FLG2: variants seen among roughly 807,000 people sequenced by gnomAD.
The protein encoded by FLG2 is filaggrin 2, also known as filaggrin-2.
Under a neutral mutation model 3.9 loss-of-function variants are expected in FLG2, and 7 were observed. The ratio of observed to expected loss-of-function variants is 1.79; its 90% CI spans 1.02 to 3.36. The LOEUF (loss-of-function observed/expected upper bound fraction) is 3.36. FLG2 is among the 30% of genes most tolerant of loss of function. The probability of loss-of-function intolerance (pLI) is 0.00; values close to 1 mark genes in which losing one functional copy is unlikely to be tolerated. For missense variants in FLG2, 2,700 were observed against 2,809.4 expected, an observed-to-expected ratio of 0.96 and a Z score of 0.88; for synonymous variants, 1,031 against 1,056.1, an observed-to-expected ratio of 0.98 and a Z score of 0.46.
Position 152,351,913 on chromosome 1 carries a change from T to A in FLG2, c.5873A>T (p.Tyr1958Phe). The change falls in exon 3 of 3, where the codon TAC becomes TTC. Residue 1958 changes from tyrosine (Y) to phenylalanine (F), a missense_variant. Tyr to Phe is a conservative substitution (Grantham distance 22). Coordinates refer to ENST00000388718, the MANE Select transcript of FLG2 (RefSeq NM_001014342.3). The stretch of plus-strand genomic sequence containing the variant: ...CCCTGAGGGCCCTTCACTGTCACTG[T>A]ACTCACTGTGGCCAGATCCCCTTCT... ...TGRRGSGHSE[Y>F]SDSEGPSGVS... 6.2e-7 allele frequency: 1 copy of A among 1,610,222 alleles called. No homozygotes were observed. The highest frequency in any genetic ancestry group is 1.4e-5 in the African/African-American group (1 of 73,982).
rs1653871737 is a variant in FLG2, at chr1:152,350,686, C to G, written c.7100G>C (p.Ser2367Thr). Residue 2367 changes from serine (S) to threonine (T), a missense_variant, in exon 3 of 3, where the codon AGC becomes ACC. Coordinates refer to ENST00000388718, the MANE Select transcript of FLG2 (RefSeq NM_001014342.3). ...GTGAGAATTACTGATGCTTTTTCTGCTGCCACCAGAAGGCCCATACCCAGT... is the reference window on the plus strand; with the variant it reads ...GTGAGAATTACTGATGCTTTTTCTGGTGCCACCAGAAGGCCCATACCCAGT... ...GHTGYGPSGGSRKSISNSHLS... is the reference protein window; with the variant it reads ...GHTGYGPSGGTRKSISNSHLS... 6.2e-7 allele frequency: 1 copy of G among 1,614,182 alleles called. No individual in the cohort carries two copies. The highest frequency in any genetic ancestry group is 8.5e-7 in the Non-Finnish European group (1 of 1,180,022).
At position 152,353,453 on chromosome 1, in the gene FLG2, G is replaced by T; in HGVS notation, c.4333C>A (p.Gln1445Lys). The change falls in exon 3 of 3, where the codon CAA becomes AAA. Residue 1445 changes from glutamine to lysine, a missense_variant. By Grantham distance (53) the Gln-to-Lys change is moderately conservative. Transcript: ENST00000388718. ...GGSHRPQSQE[Q>K]THGQAGSQHG... ...TGAGATCCGGCTTGGCCATGAGTTT[G>T]TTCTTGTGATTGTGGTCTGTGTGAG... The T allele has an allele frequency of 6.2e-7, 1 of 1,612,544 alleles. No individual in the cohort carries two copies. The highest frequency in any genetic ancestry group is 8.5e-7 in the Non-Finnish European group (1 of 1,179,664).
Position 152,352,594 on chromosome 1 carries a change from T to TA in FLG2, c.5191dup (p.Tyr1731LeufsTer3). On this transcript the variant is annotated frameshift_variant, in exon 3 of 3. Transcript: ENST00000388718. LOFTEE classifies it low-confidence loss of function (END_TRUNC). ...TCCTGAGTACCCTTCACTGTCACTG[T>TA]ACTCACTGTGGCCAGATCCCCTTCT... 1 of 1,613,326 alleles carries TA rather than the reference T, an allele frequency of 6.2e-7. No individual in the cohort carries two copies. Among genetic ancestry groups the TA allele is most frequent in the Non-Finnish European group, 8.5e-7 (1 of 1,179,706 alleles).
Position 152,356,995 on chromosome 1 carries a change from C to A in FLG2, c.791G>T (p.Gly264Val), listed in dbSNP as rs769460053. Residue 264 changes from glycine to valine, a missense_variant, in exon 3 of 3, where the codon GGG becomes GTG. Physicochemically the swap from Gly to Val is moderately radical, Grantham distance 109 (BLOSUM62 -3). Coordinates refer to ENST00000388718, the MANE Select transcript of FLG2 (RefSeq NM_001014342.3). ...TQSRIREQKL[G>V]SSCSGSGDSG... ...GTCTCCTGAACCTGAACAGCTAGAC[C>A]CAAGCTTTTGTTCTCTAATTCTTGA... 4 of 1,614,046 alleles carry A rather than the reference C, an allele frequency of 2.5e-6. No homozygotes were observed. Among genetic ancestry groups the A allele is most frequent in the Non-Finnish European group, 3.4e-6 (4 of 1,180,046 alleles).
Position 152,357,690 on chromosome 1 carries a change from C to G in FLG2, c.139-43G>C, listed in dbSNP as rs142211912. 5.8e-3 allele frequency: 8,089 copies of G among 1,389,398 alleles called. 34 individuals carry two copies. Among genetic ancestry groups the G allele is most frequent in the Non-Finnish European group, 6.8e-3 (6,777 of 1,002,956 alleles). 86.1% of individuals were successfully genotyped at this position (1,389,398 alleles called of 1,614,324 possible). A position where few individuals can be genotyped will look rare whatever the true frequency, so the allele number is the denominator to read the frequency against. ...ACCAAGGGAGACCTGGTCAGCCTAA[C>G]CTGCATACTCAACTAACACATTTAA... On this transcript the variant is annotated intron_variant, in intron 2 of 2. Coordinates refer to ENST00000388718, the MANE Select transcript of FLG2 (RefSeq NM_001014342.3).
Position 152,353,948 on chromosome 1 carries a change from C to T in FLG2, c.3838G>A (p.Val1280Met). 1 of 1,614,230 alleles carries T rather than the reference C, an allele frequency of 6.2e-7. No homozygotes were observed. The highest frequency in any genetic ancestry group is 8.5e-7 in the Non-Finnish European group (1 of 1,180,042). ...TGTCTGTGTGAGACCTTTGAGTGCA[C>T]TTCACTGTCACTGTTCTCACTTTGG... ...SSQSENSDSE[V>M]HSKVSHRHSE... is the part of the protein sequence containing the mutation. The change falls in exon 3 of 3, where the codon GTG (valine) becomes ATG (methionine). Residue 1280 changes from valine (V) to methionine (M), a missense_variant. Physicochemically the swap from Val to Met is conservative, Grantham distance 21. Coordinates refer to ENST00000388718, the MANE Select transcript of FLG2 (RefSeq NM_001014342.3).
chr1:152,358,760 T>G lies in FLG2; in HGVS notation c.125A>C (p.His42Pro). Residue 42 changes from histidine to proline, a missense_variant, in exon 2 of 3, where the codon CAT becomes CCT. Coordinates refer to ENST00000388718, the MANE Select transcript of FLG2 (RefSeq NM_001014342.3). ...ELKELLEKEL[H>P]PVLKNPDDPD... ...CATGGCTCTCACCTTCAGAACTGGA[T>G]GAAGCTCTTTCTCCAGAAGTTCCTT... is the stretch of plus-strand genomic sequence containing the variant. The G allele has an allele frequency of 6.2e-7, 1 of 1,613,588 alleles. No homozygotes were observed. Among genetic ancestry groups the G allele is most frequent in the Non-Finnish European group, 8.5e-7 (1 of 1,179,758 alleles).
In FLG2 at chr1:152,353,473, T is replaced by C. The variant is rs376429008; in HGVS notation, c.4313A>G (p.His1438Arg). ...SDSEVHSGGS[H>R]RPQSQEQTHG... Reference sequence around the variant, plus strand: ...AGTTTGTTCTTGTGATTGTGGTCTGTGTGAGCCCCCTGAGTGCACTTCACT... The same window carrying C: ...AGTTTGTTCTTGTGATTGTGGTCTGCGTGAGCCCCCTGAGTGCACTTCACT... The change falls in exon 3 of 3, where the codon CAC becomes CGC. Residue 1438 changes from histidine to arginine, a missense_variant. His to Arg is a conservative substitution (Grantham distance 29). Transcript: ENST00000388718. The C allele has an allele frequency of 6.2e-7, 1 of 1,613,678 alleles. No individual in the cohort carries two copies. Among genetic ancestry groups the C allele is most frequent in the Non-Finnish European group, 8.5e-7 (1 of 1,179,900 alleles).
Position 152,351,835 on chromosome 1 carries a change from G to C in FLG2, c.5951C>G (p.Pro1984Arg), listed in dbSNP as rs199899373. The C allele has an allele frequency of 7.0e-5, 113 of 1,604,984 alleles. 7 individuals are homozygous for C. The African/African-American group carries it at 1.4e-3, about 20-fold the overall frequency. Residue 1984 changes from proline to arginine, a missense_variant, in exon 3 of 3, where the codon CCA becomes CGA. By Grantham distance (103) the Pro-to-Arg change is moderately radical. Transcript: ENST00000388718. Reference sequence around the variant, plus strand: ...CTCATGAACTGAGGATCCTGACTCTGGATAGTGAGATCCAGCTTGACCGTG... The same window carrying C: ...CTCATGAACTGAGGATCCTGACTCTCGATAGTGAGATCCAGCTTGACCGTG... ...HTHGQAGSHY[P>R]ESGSSVHERH...
At position 152,358,775 on chromosome 1, in the gene FLG2, A is replaced by G. The variant is rs1250719378; in HGVS notation, c.110T>C (p.Leu37Pro). The change falls in exon 2 of 3, where the codon CTG becomes CCG. Residue 37 changes from leucine (L) to proline (P), a missense_variant. Coordinates refer to ENST00000388718, the MANE Select transcript of FLG2 (RefSeq NM_001014342.3). ...TLSKGELKEL[L>P]EKELHPVLKN... ...CAGAACTGGATGAAGCTCTTTCTCCAGAAGTTCCTTTAGTTCACCCTTGCT... is the reference window on the plus strand; with the variant it reads ...CAGAACTGGATGAAGCTCTTTCTCCGGAAGTTCCTTTAGTTCACCCTTGCT... 2 of 1,613,754 alleles carry G rather than the reference A, an allele frequency of 1.2e-6. No individual in the cohort carries two copies. Among genetic ancestry groups the G allele is most frequent in the Non-Finnish European group, 1.7e-6 (2 of 1,179,850 alleles).
In FLG2 at chr1:152,354,786, G is replaced by A; in HGVS notation, c.3000C>T (p.Gly1000=). The A allele has an allele frequency of 6.2e-7, 1 of 1,613,380 alleles. No individual in the cohort carries two copies. Among genetic ancestry groups the A allele is most frequent in the Non-Finnish European group, 8.5e-7 (1 of 1,179,916 alleles). The change falls in exon 3 of 3, where the codon GGC becomes GGT. Residue 1000 remains glycine (G), a synonymous_variant. Coordinates refer to ENST00000388718, the MANE Select transcript of FLG2 (RefSeq NM_001014342.3). ...ACTGACTTGAGCCAGAACCATGTTG[G>A]CCATAATTAGACTGACTTGATCTAG... is the stretch of plus-strand genomic sequence containing the variant. ...HESRSSQSNY[G]QHGSGSSQSS...
At position 152,351,389 on chromosome 1, in the gene FLG2, G is replaced by A. The variant is rs1653913931; in HGVS notation, c.6397C>T (p.His2133Tyr). ...TGAATGGCAGATCCTGACTCTCCAT[G>A]TTGAGATCTGGCTTGGCCATAAGTG... ...GHTYGQARSQ[H>Y]GESGSAIHGR... The change falls in exon 3 of 3, where the codon CAT (histidine) becomes TAT (tyrosine). Residue 2133 changes from histidine (H) to tyrosine (Y), a missense_variant. Physicochemically the swap from His to Tyr is moderately conservative, Grantham distance 83. Transcript: ENST00000388718. 1 of 1,613,646 alleles carries A rather than the reference G, an allele frequency of 6.2e-7. No individual in the cohort carries two copies. The highest frequency in any genetic ancestry group is 8.5e-7 in the Non-Finnish European group (1 of 1,179,896).
At position 152,354,916 on chromosome 1, in the gene FLG2, T is replaced by A. The variant is rs563259724; in HGVS notation, c.2870A>T (p.Gln957Leu). The change falls in exon 3 of 3, where the codon CAA becomes CTA. Residue 957 changes from glutamine to leucine, a missense_variant. By Grantham distance (113) the Gln-to-Leu change is moderately radical. Transcript: ENST00000388718. Reference sequence around the variant, plus strand: ...TCCATGTTGGCCAAAGCCAGAGGATTGACCTGAGCCTGACCTGTGTTGTCC... The same window carrying A: ...TCCATGTTGGCCAAAGCCAGAGGATAGACCTGAGCCTGACCTGTGTTGTCC... ...GFGQHRSGSG[Q>L]SSGFGQHGSG... is the part of the protein sequence containing the mutation. 1 of 1,613,732 alleles carries A rather than the reference T, an allele frequency of 6.2e-7. No individual in the cohort carries two copies. The highest frequency in any genetic ancestry group is 1.1e-5 in the South Asian group (1 of 91,066).
Position 152,352,760 on chromosome 1 carries a change from G to C in FLG2, c.5026C>G (p.Gln1676Glu). ...GACTGTCCATGTTGAGATCCAGCTT[G>C]ACCATGAGTGTGTCCTGTATGTGTG... ...SHTHTGHTHG[Q>E]AGSQHGQSES... The change falls in exon 3 of 3, where the codon CAA becomes GAA. Residue 1676 changes from glutamine (Q) to glutamate (E), a missense_variant. Coordinates refer to ENST00000388718, the MANE Select transcript of FLG2 (RefSeq NM_001014342.3). 1 of 1,613,908 alleles carries C rather than the reference G, an allele frequency of 6.2e-7. No individual in the cohort carries two copies. Among genetic ancestry groups the C allele is most frequent in the South Asian group, 1.1e-5 (1 of 91,046 alleles).
Position 152,357,576 on chromosome 1 carries a change from G to A in FLG2, c.210C>T (p.Asp70=), listed in dbSNP as rs1368037486. The change falls in exon 3 of 3, where the codon GAC becomes GAT. Residue 70 remains aspartate (D), a synonymous_variant. Transcript: ENST00000388718. Reference sequence around the variant, plus strand: ...ATATCATCAAAAGAAACTCAGTAAAGTCCAATCTTCTGTCATGATCTCGAT... The same window carrying A: ...ATATCATCAAAAGAAACTCAGTAAAATCCAATCTTCTGTCATGATCTCGAT... ...MLDRDHDRRL[D]FTEFLLMIFK... 6.8e-6 allele frequency: 11 copies of A among 1,613,946 alleles called. No homozygotes were observed. The African/African-American group carries it at 1.3e-4, about 20-fold the overall frequency.
rs977723766 is a variant in FLG2, at chr1:152,350,389, G to C, written c.*221C>G. 8 of 604,662 alleles carry C rather than the reference G, an allele frequency of 1.3e-5. No individual in the cohort carries two copies. Among genetic ancestry groups the C allele is most frequent in the Non-Finnish European group, 2.0e-5 (7 of 354,164 alleles). The allele number at this position is 604,662 out of a possible 1,614,324, so 37.5% of individuals were successfully genotyped here. A position where few individuals can be genotyped will look rare whatever the true frequency, so the allele number is the denominator to read the frequency against. ...ATGTGTACATCCCTCCCTTCTGGCT[G>C]TGTTATATCCAGGTTGAACATAGGT... On this transcript the variant is annotated 3_prime_UTR_variant, in exon 3 of 3. Coordinates refer to ENST00000388718, the MANE Select transcript of FLG2 (RefSeq NM_001014342.3).
Position 152,356,502 on chromosome 1 carries a change from G to A in FLG2, c.1284C>T (p.Ser428=), listed in dbSNP as rs372399029. Residue 428 remains serine, a synonymous_variant, in exon 3 of 3, where the codon AGC becomes AGT. Transcript: ENST00000388718. ...QYGSGSSQST[S]FEQHGTGLSQ... ...TCAAGCCTGTTCCATGTTGTTCAAA[G>A]CTAGTAGACTGACTTGAACCAGACC... The A allele has an allele frequency of 7.5e-5, 121 of 1,614,116 alleles. No individual in the cohort carries two copies. The highest frequency in any genetic ancestry group is 9.7e-5 in the Non-Finnish European group (115 of 1,180,048).
Position 152,351,030 on chromosome 1 carries a change from T to A in FLG2, c.6756A>T (p.Gly2252=). The A allele has an allele frequency of 6.2e-7, 1 of 1,610,518 alleles. No homozygotes were observed. The highest frequency in any genetic ancestry group is 8.5e-7 in the Non-Finnish European group (1 of 1,179,476). ...QRGSRTTGRR[G]SGHSESSDSE... is the part of the protein sequence containing the mutation. Reference sequence around the variant, plus strand: ...TGTCACTGGACTCACTGTGGCCAGATCCCCTTCTTCCAGTTGTCCTGGACC... The same window carrying A: ...TGTCACTGGACTCACTGTGGCCAGAACCCCTTCTTCCAGTTGTCCTGGACC... Residue 2252 remains glycine (G), a synonymous_variant, in exon 3 of 3, where the codon GGA becomes GGT. Coordinates refer to ENST00000388718, the MANE Select transcript of FLG2 (RefSeq NM_001014342.3).
At position 152,357,109 on chromosome 1, in the gene FLG2, C is replaced by A. The variant is rs752889805; in HGVS notation, c.677G>T (p.Gly226Val). The A allele has an allele frequency of 6.2e-7, 1 of 1,614,170 alleles. No homozygotes were observed. The highest frequency in any genetic ancestry group is 1.1e-5 in the South Asian group (1 of 91,062). ...CCTTTCCCAACTGTTTGATCCAGAT[C>A]CAGATTCATACTCCTCCCCAGATTC... The part of the protein sequence containing the change: ...SRESGEEYES[G>V]SGSNSWERKG... The change falls in exon 3 of 3, where the codon GGA (glycine) becomes GTA (valine). Residue 226 changes from glycine (G) to valine (V), a missense_variant. By Grantham distance (109) the Gly-to-Val change is moderately radical. Transcript: ENST00000388718.
Sources: gnomAD v4.1 joint callset for allele counts on GRCh38, gnomAD v4.1.1 for gene constraint, MANE v1.5 for transcripts, NCBI Gene and HGNC (gene_info 2026-07-23, HGNC 2026-07-21) for gene names.